The following MANBA variants were observed in gnomAD, a reference collection of about 807,000 sequenced individuals.
MANBA encodes beta-mannosidase.
Under a neutral mutation model 111.1 loss-of-function variants are expected in MANBA, and 83 were observed. The observed-to-expected ratio is 0.75, with a 90% confidence interval of 0.63 to 0.90. The LOEUF is 0.90. Among genes scored for constraint, MANBA ranks in the 40% least tolerant of loss-of-function variants. MANBA has a pLI of 0.00. For missense variants in MANBA, 1,036 were observed against 1,069.0 expected, an observed-to-expected ratio of 0.97 and a Z score of 0.43; for synonymous variants, 370 against 378.7, an observed-to-expected ratio of 0.98 and a Z score of 0.27.
chr4:102,699,303 A>G (rs1409205811), intron 5 of MANBA, among the ~76,000 whole-genome samples: 2 of 150,586 alleles, frequency 1.3e-5, no homozygotes, highest in East Asian at 3.9e-4. Flanking sequence ...TCGTCTGCAA[A>G]CAGGGACAAT....
intron 9 of MANBA, 31 bp downstream of exon 9, chr4:102,671,250 A>T (rs145644484): frequency 7.6e-6 from 10 of 1,312,916 alleles, no homozygotes; most frequent in Non-Finnish European, 1.1e-5. Context: ...ATAGTAACTT[A>T]TCAATATATA....
In MANBA at chr4:102,755,738, T is replaced by C. The variant is rs372337189; in HGVS notation, c.177+4980A>G. On this transcript the variant is annotated intron_variant, in intron 1 of 16. Transcript: ENST00000647097. Reference sequence around the variant, plus strand: ...ATCTATCCATCTGACAAAGGGCTAATTAATCCACAATCTACAAAGAACTTC... The same window carrying C: ...ATCTATCCATCTGACAAAGGGCTAACTAATCCACAATCTACAAAGAACTTC... Among the ~76,000 whole-genome samples, 28 of 152,264 alleles carry C rather than the reference T, an allele frequency of 1.8e-4. No individual in the cohort carries two copies. In the South Asian group the frequency reaches 3.7e-3, roughly 20 times the overall value.
intron 7 of MANBA, among the ~76,000 whole-genome samples, chr4:102,685,672 A>T (rs150962900): frequency 2.0e-4 from 31 of 152,074 alleles, no homozygotes; most frequent in African/African-American, 7.2e-4. Context: ...GTTGCTTTCC[A>T]TTCTCTTAAT....
intron 1 of MANBA, among the ~76,000 whole-genome samples, chr4:102,749,263 T>C (rs1166848032): frequency 6.6e-6 from 1 of 152,150 alleles, no homozygotes. Flanking sequence ...CATGAAGACA[T>C]TCAGGTAGGA....
At chr4:102,712,743 G>C (rs373865095) in intron 5 of MANBA, among the ~76,000 whole-genome samples, 4 of 151,850 alleles carry the variant, frequency 2.6e-5, no homozygotes, top group African/African-American at 4.8e-5. Context: ...TGTCTAGGTC[G>C]GTCTCTAACT....
At chr4:102,671,154 T>C in intron 9 of MANBA, 127 bp downstream of exon 9, 1 of 721,398 alleles carries the variant, frequency 1.4e-6, no homozygotes, top group African/African-American at 1.8e-5. Context: ...TGCCATTTAT[T>C]CCTATAGCCC....
intron 1 of MANBA, chr4:102,752,273 A>G: frequency 8.0e-7 from 1 of 1,248,548 alleles, no homozygotes; most frequent in Non-Finnish European, 1.2e-6. Context: ...CAGGAAATAA[A>G]GTGCTTAATT....
chr4:102,663,776 T>C (rs551682467), intron 11 of MANBA, among the ~76,000 whole-genome samples: 1 of 152,224 alleles, frequency 6.6e-6, no homozygotes, highest in Non-Finnish European at 1.5e-5. Flanking sequence ...TTAAATCACA[T>C]GTTAAACAAA....
At chr4:102,739,514 C>A (rs996403745) in intron 1 of MANBA, among the ~76,000 whole-genome samples, 1 of 152,142 alleles carries the variant, frequency 6.6e-6, no homozygotes, top group African/African-American at 2.4e-5. Context: ...AAACTACAGA[C>A]CAATATCCCT....
intron 5 of MANBA, among the ~76,000 whole-genome samples, chr4:102,709,396 AAG>A (rs1721945925): frequency 9.7e-6 from 1 of 102,666 alleles, no homozygotes; most frequent in African/African-American, 3.1e-5. Flanking sequence ...GAAAGAAAGA[AAG>A]AAAAAAAAGA....
At chr4:102,653,120 TTCATGGGCTC>T (rs1198065046) in intron 12 of MANBA, among the ~76,000 whole-genome samples, 1 of 152,208 alleles carries the variant, frequency 6.6e-6, no homozygotes, top group East Asian at 1.9e-4. Context: ...TAGTTTACAT[TTCATGGGCTC>T]TCACTGTGTC....
intron 3 of MANBA, 136 bp from the exon 4 acceptor site, chr4:102,723,177 C>A (rs1324722776): frequency 3.8e-6 from 3 of 780,648 alleles, no homozygotes; most frequent in Non-Finnish European, 6.6e-6. Context: ...CAGGAGGGAA[C>A]ACTTCTCTGA....
intron 7 of MANBA, among the ~76,000 whole-genome samples, chr4:102,685,921 TTGAAGA>T (rs1732188153): frequency 6.6e-6 from 1 of 151,688 alleles, no homozygotes; most frequent in Non-Finnish European, 1.5e-5. Flanking sequence ...TTATAGTAGA[TTGAAGA>T]CTGAAGACTG....
intron 7 of MANBA, among the ~76,000 whole-genome samples, chr4:102,677,387 G>A (rs956948448): frequency 6.6e-6 from 1 of 152,028 alleles, no homozygotes; most frequent in African/African-American, 2.4e-5. Context: ...TGACATCAGT[G>A]GTGATATTAA....
intron 12 of MANBA, among the ~76,000 whole-genome samples, chr4:102,656,240 C>A (rs1320844923): frequency 1.3e-5 from 2 of 152,070 alleles, no homozygotes; most frequent in African/African-American, 2.4e-5. Context: ...GGCAACAAAG[C>A]AAGACCCTGT....
intron 2 of MANBA, 26 bp from the exon 3 acceptor site, chr4:102,723,993 A>C: frequency 1.6e-6 from 2 of 1,283,098 alleles, no homozygotes; most frequent in African/African-American, 1.5e-5. Flanking sequence ...GATTTTTAAA[A>C]CAAGATGTGT....
At chr4:102,719,477 A>G (rs1213019027) in intron 4 of MANBA, among the ~76,000 whole-genome samples, 3 of 152,200 alleles carry the variant, frequency 2.0e-5, no homozygotes, top group African/African-American at 7.2e-5. Context: ...TCTACAATCA[A>G]TTTGTACAAT....
At chr4:102,746,984 A>G (rs867199231) in intron 1 of MANBA, among the ~76,000 whole-genome samples, 5 of 151,598 alleles carry the variant, frequency 3.3e-5, no homozygotes, top group East Asian at 3.9e-4. Flanking sequence ...AAAAAAAAAA[A>G]AAAGAAAGAA....
chr4:102,667,510 C>T (rs534472967), intron 10 of MANBA: 4 of 152,200 alleles, frequency 2.6e-5, no homozygotes, highest in African/African-American at 9.6e-5. Context: ...AATAGATGTA[C>T]TTTGAAGACA....
Sources: allele counts gnomAD v4.1 joint callset (sites outside exome capture counted in the v4.1 genomes callset), GRCh38; gene constraint gnomAD v4.1.1; transcripts MANE v1.5; gene names NCBI Gene and HGNC (gene_info 2026-07-23, HGNC 2026-07-21).